The following KLHL7 variants were observed in gnomAD, a reference collection of about 807,000 sequenced individuals.
KLHL7 encodes kelch-like protein 7.
KLHL7 carries 44 observed loss-of-function variants against 67.4 expected under a neutral mutation model. The observed-to-expected ratio is 0.65, with a 90% CI of 0.51 to 0.84. KLHL7 has a LOEUF of 0.84. Among genes scored for constraint, KLHL7 ranks in the 40% least tolerant of loss-of-function variants. KLHL7 has a pLI of 0.00. For missense variants in KLHL7, 362 were observed against 718.1 expected, an observed-to-expected ratio of 0.50 and a Z score of 5.67; for synonymous variants, 252 against 243.3, an observed-to-expected ratio of 1.04 and a Z score of -0.33.
chr7:23,147,394 C>G (rs1009206519), intron 6 of KLHL7, among the ~76,000 whole-genome samples: 7 of 152,100 alleles, frequency 4.6e-5, no homozygotes, highest in African/African-American at 1.7e-4. Flanking sequence ...CTGGCCTACC[C>G]TGGTCATTTT....
chr7:23,105,805 G>T lies in KLHL7; in HGVS notation c.-222G>T, dbSNP rs1306227087. The stretch of plus-strand genomic sequence containing the variant: ...GGCTCGGGTTCTGCCCGGGGACGCA[G>T]CCCAGTTGGTAGCGTCGCTCCCTGA... On this transcript the variant is annotated 5_prime_UTR_variant, in exon 1 of 11. Transcript: ENST00000339077. 8 of 618,370 alleles carry T rather than the reference G, an allele frequency of 1.3e-5. No homozygotes were observed. In the East Asian group the frequency reaches 1.5e-4, roughly 12 times the overall value. 38.3% of individuals were successfully genotyped at this position (618,370 alleles called of 1,614,324 possible).
At chr7:23,120,135 A>G (rs1025497316) in intron 1 of KLHL7, among the ~76,000 whole-genome samples, 4 of 152,004 alleles carry the variant, frequency 2.6e-5, no homozygotes, top group African/African-American at 9.7e-5. Flanking sequence ...TCAGCCTCCC[A>G]AGTAGCTGGG....
chr7:23,160,120 C>A (rs1046493455), intron 7 of KLHL7, among the ~76,000 whole-genome samples: 2 of 152,098 alleles, frequency 1.3e-5, no homozygotes, highest in Admixed American at 6.5e-5. Flanking sequence ...TTGGTGAGAA[C>A]GTTTTTATAA....
At chr7:23,109,404 C>G (rs1300647768) in intron 1 of KLHL7, among the ~76,000 whole-genome samples, 1 of 152,236 alleles carries the variant, frequency 6.6e-6, no homozygotes, top group East Asian at 1.9e-4. Flanking sequence ...CCATACTCTT[C>G]TTTTGTGTTA....
chr7:23,160,120 C>T (rs1046493455), intron 7 of KLHL7, among the ~76,000 whole-genome samples: 1 of 152,098 alleles, frequency 6.6e-6, no homozygotes, highest in Non-Finnish European at 1.5e-5. Context: ...TTGGTGAGAA[C>T]GTTTTTATAA....
intron 4 of KLHL7, among the ~76,000 whole-genome samples, chr7:23,125,500 T>C (rs55689808): frequency 0.022 from 3,394 of 152,282 alleles, 137 homozygotes; most frequent in African/African-American, 0.077. Flanking sequence ...TAAGCACTTA[T>C]GATATGCTAA....
intron 7 of KLHL7, among the ~76,000 whole-genome samples, chr7:23,154,106 C>T (rs1466388701): frequency 1.3e-5 from 2 of 152,206 alleles, no homozygotes. Flanking sequence ...GTAATCCCTG[C>T]ACTTTGGGAG....
chr7:23,135,319 T>A (rs191507244), intron 4 of KLHL7, among the ~76,000 whole-genome samples: 22 of 152,336 alleles, frequency 1.4e-4, no homozygotes, highest in South Asian at 1.2e-3. Flanking sequence ...AAGTTTTTTT[T>A]AAATGTTTTA....
At chr7:23,146,728 T>G (rs1175472074) in intron 6 of KLHL7, among the ~76,000 whole-genome samples, 1 of 151,918 alleles carries the variant, frequency 6.6e-6, no homozygotes, top group East Asian at 1.9e-4. Flanking sequence ...ATAAATAATA[T>G]TTTTCCTAAT....
At chr7:23,168,693 A>G (rs780062922) in intron 9 of KLHL7, among the ~76,000 whole-genome samples, 2 of 152,234 alleles carry the variant, frequency 1.3e-5, no homozygotes, top group Non-Finnish European at 2.9e-5. Context: ...GAGTAGTGAC[A>G]TTAAAGCTGA....
chr7:23,141,001 A>G, intron 5 of KLHL7, 57 bp downstream of exon 5: 1 of 1,413,304 alleles, frequency 7.1e-7, no homozygotes. Context: ...TTGGTTTCTT[A>G]AAACTCATGT....
intron 5 of KLHL7, 91 bp downstream of exon 5, chr7:23,141,035 G>A (rs745384129): frequency 6.3e-5 from 67 of 1,062,694 alleles, no homozygotes; most frequent in Non-Finnish European, 8.4e-5. Flanking sequence ...AAGGGAAAGA[G>A]TCATATTAGG....
chr7:23,113,782 T>C (rs1187253410), intron 1 of KLHL7, among the ~76,000 whole-genome samples: 2 of 152,116 alleles, frequency 1.3e-5, no homozygotes, highest in African/African-American at 4.8e-5. Context: ...GCCGAGATCG[T>C]GCCATTGCAC....
Position 23,165,737 on chromosome 7 carries a change from C to G in KLHL7, c.976C>G (p.Arg326Gly). 1 of 1,614,068 alleles carries G rather than the reference C, an allele frequency of 6.2e-7. No individual in the cohort carries two copies. The change falls in exon 8 of 11, where the codon CGA becomes GGA. Residue 326 changes from arginine (R) to glycine (G), a missense_variant. Physicochemically the swap from Arg to Gly is moderately radical, Grantham distance 125 (BLOSUM62 -2). Around this residue, in one of 5 missense-constraint regions of KLHL7, gnomAD observed 12 missense variants for 81.8 expected, o/e 0.15. Coordinates refer to ENST00000339077, the MANE Select transcript of KLHL7 (RefSeq NM_001031710.3). ...WTDIRCPFEKRRDAACVFWDN... is the reference protein window; with the variant it reads ...WTDIRCPFEKGRDAACVFWDN... Reference sequence around the variant, plus strand: ...AGACATCCGCTGCCCCTTTGAAAAACGAAGAGATGCAGCATGCGTGTTTTG... The same window carrying G: ...AGACATCCGCTGCCCCTTTGAAAAAGGAAGAGATGCAGCATGCGTGTTTTG...
chr7:23,151,896 G>A (rs545240481), intron 6 of KLHL7, among the ~76,000 whole-genome samples, 171 bp from the exon 7 acceptor site: 8 of 152,186 alleles, frequency 5.3e-5, no homozygotes, highest in Admixed American at 2.6e-4. Context: ...GTTAGTACTC[G>A]GATCCTTATG....
Position 23,123,782 on chromosome 7 carries a change from G to A in KLHL7, c.126G>A (p.Thr42=), listed in dbSNP as rs150640353. 39 of 1,610,614 alleles carry A rather than the reference G, an allele frequency of 2.4e-5. No homozygotes were observed. Among genetic ancestry groups the A allele is most frequent in the Middle Eastern group, 1.7e-4 (1 of 5,916 alleles). The change falls in exon 2 of 11, where the codon ACG becomes ACA. Residue 42 remains threonine, a synonymous_variant. Coordinates refer to ENST00000339077, the MANE Select transcript of KLHL7 (RefSeq NM_001031710.3). ...GVMNNMRKQK[T]LCDVILMVQE... is the part of the protein sequence containing the mutation. ...TGTATTTTTCCTTTGATTAGAAAAC[G>A]TTGTGTGACGTGATCCTCATGGTCC...
intron 7 of KLHL7, among the ~76,000 whole-genome samples, chr7:23,162,776 A>T (rs1036295544): frequency 6.6e-6 from 1 of 152,214 alleles, no homozygotes; most frequent in Non-Finnish European, 1.5e-5. Flanking sequence ...AGAAACTAAG[A>T]TATATCAAAT....
chr7:23,155,343 A>T (rs6961136), intron 7 of KLHL7, among the ~76,000 whole-genome samples: 140,745 of 152,118 alleles, frequency 0.93, 65,293 homozygotes, highest in East Asian at 0.99. Context: ...TTTTTTCCCC[A>T]AAGAAAAACT....
chr7:23,156,403 C>A (rs1190397350), intron 7 of KLHL7, among the ~76,000 whole-genome samples: 1 of 152,298 alleles, frequency 6.6e-6, no homozygotes, highest in Admixed American at 6.5e-5. Flanking sequence ...TTAGTGGTTT[C>A]TAAAAGAGTT....
Sources: gnomAD v4.1 joint callset for allele counts (sites outside exome capture counted in the v4.1 genomes callset) on GRCh38, gnomAD v4.1.1 for gene constraint, gnomAD v4.1.1 regional missense constraint, MANE v1.5 for transcripts, NCBI Gene and HGNC (gene_info 2026-07-23, HGNC 2026-07-21) for gene names.